Variants in RSPO2 observed in about 807,000 individuals in gnomAD.
RSPO2 encodes R-spondin 2.
A neutral mutation model predicts 30.9 loss-of-function variants in RSPO2; 14 were observed. The ratio of observed to expected loss-of-function variants is 0.45; its 90% CI spans 0.30 to 0.71. The LOEUF (loss-of-function observed/expected upper bound fraction) is 0.71. RSPO2 is among the 30% of genes least tolerant of loss of function. The pLI is 0.08. For missense variants in RSPO2, 264 were observed against 301.9 expected, an observed-to-expected ratio of 0.87 and a Z score of 0.93; for synonymous variants, 107 against 96.4, an observed-to-expected ratio of 1.11 and a Z score of -0.64.
intron 5 of RSPO2, among the ~76,000 whole-genome samples, chr8:107,954,587 CTTT>C (rs764854947): frequency 3.3e-5 from 5 of 149,882 alleles, no homozygotes; most frequent in Non-Finnish European, 7.4e-5. Flanking sequence ...CATTGTCCAT[CTTT>C]TATTTATTTA....
rs1815307135 is a variant in RSPO2, at chr8:108,003,223, G to A, written c.95-13979C>T. The stretch of plus-strand genomic sequence containing the variant: ...TGCACCATCACACCTGGCTAATTTT[G>A]TATGTGTGTGTATATATGTATGTAT... On this transcript the variant is annotated intron_variant, in intron 2 of 5. Transcript: ENST00000276659. Among the ~76,000 whole-genome samples, 3 of 122,148 alleles carry A rather than the reference G, an allele frequency of 2.5e-5. No individual in the cohort carries two copies. In the South Asian group the frequency reaches 8.3e-4, roughly 34 times the overall value. The allele number at this position is 122,148 out of a possible 152,430, so 80.1% of individuals were successfully genotyped here. A position where few individuals can be genotyped will look rare whatever the true frequency, so the allele number is the denominator to read the frequency against.
At chr8:107,937,091 A>AT (rs930838218) in intron 5 of RSPO2, among the ~76,000 whole-genome samples, 3 of 143,744 alleles carry the variant, frequency 2.1e-5, no homozygotes, top group African/African-American at 5.1e-5. Context: ...TGTTTTCCCT[A>AT]TTTTTTTACT....
chr8:107,910,159 T>C lies in RSPO2; in HGVS notation c.617-8969A>G, dbSNP rs141129455. Reference sequence around the variant, plus strand: ...CTTCATACTATAACGGAAGGTACCTTTTAAAATAATTCCATTAGAACAAGA... The same window carrying C: ...CTTCATACTATAACGGAAGGTACCTCTTAAAATAATTCCATTAGAACAAGA... On this transcript the variant is annotated intron_variant, in intron 5 of 5. Coordinates refer to ENST00000276659, the MANE Select transcript of RSPO2 (RefSeq NM_178565.5). Among the ~76,000 whole-genome samples, 1,131 of 152,310 alleles carry C rather than the reference T, an allele frequency of 7.4e-3. 11 individuals are homozygous for C. The highest frequency in any genetic ancestry group is 0.024 in the African/African-American group (1,015 of 41,562).
intron 5 of RSPO2, among the ~76,000 whole-genome samples, chr8:107,919,085 C>A (rs1050612169): frequency 6.6e-6 from 1 of 152,218 alleles, no homozygotes; most frequent in Non-Finnish European, 1.5e-5. Flanking sequence ...CCCAGCCAGG[C>A]CTGCATGGGT....
intron 2 of RSPO2, among the ~76,000 whole-genome samples, chr8:108,027,419 G>A (rs1043901543): frequency 7.2e-5 from 11 of 152,134 alleles, no homozygotes; most frequent in African/African-American, 2.4e-4. Context: ...TCCAAATGAA[G>A]TATCTATCTG....
At chr8:107,935,418 T>A (rs1812689397) in intron 5 of RSPO2, among the ~76,000 whole-genome samples, 1 of 152,096 alleles carries the variant, frequency 6.6e-6, no homozygotes, top group Admixed American at 6.6e-5. Flanking sequence ...CTGTAAAAAA[T>A]TCTTATCCTC....
At chr8:108,028,904 C>G (rs2130629121) in intron 2 of RSPO2, among the ~76,000 whole-genome samples, 1 of 152,088 alleles carries the variant, frequency 6.6e-6, no homozygotes, top group Non-Finnish European at 1.5e-5. Context: ...GCACATTGTA[C>G]AGGGCCTTGC....
At chr8:108,044,078 A>G (rs1811837262) in intron 2 of RSPO2, among the ~76,000 whole-genome samples, 1 of 151,944 alleles carries the variant, frequency 6.6e-6, no homozygotes, top group Admixed American at 6.6e-5. Flanking sequence ...TGAAAAGCTT[A>G]TTAGGTCCCA....
intron 2 of RSPO2, among the ~76,000 whole-genome samples, chr8:108,003,303 ATATATATATTTTTTTTTTTT>A (rs1243598127): frequency 0.023 from 633 of 27,100 alleles, 11 homozygotes; most frequent in African/African-American, 0.064. Flanking sequence ...ATATATATAT[ATATATATATTTTTTTTTTTT>A]TTTTTTTTTT....
intron 2 of RSPO2, among the ~76,000 whole-genome samples, chr8:108,007,070 A>G (rs938093007): frequency 2.0e-5 from 3 of 152,136 alleles, no homozygotes; most frequent in African/African-American, 4.8e-5. Context: ...TGTTGTCTAT[A>G]TTCCTATTTC....
chr8:107,998,851 C>G (rs1378119566), intron 2 of RSPO2, among the ~76,000 whole-genome samples: 2 of 152,040 alleles, frequency 1.3e-5, no homozygotes, highest in African/African-American at 4.8e-5. Context: ...TGTTCAAGAC[C>G]AGCCTGGCTA....
In RSPO2 at chr8:108,054,521, C is replaced by A. The variant is rs79765287; in HGVS notation, c.94+28024G>T. On this transcript the variant is annotated intron_variant, in intron 2 of 5. Transcript: ENST00000276659. ...GAGTCAAAACTCAGGCCCACAGCCA[C>A]CCCTAACTCCACGAGGGGTTGGGAA... Among the ~76,000 whole-genome samples the A allele has an allele frequency of 2.6e-3, 397 of 152,264 alleles. 11 individuals are homozygous for A. In the East Asian group the frequency reaches 0.058, roughly 22 times the overall value.
At position 107,900,777 on chromosome 8, in the gene RSPO2, C is replaced by T. The variant is rs998449933; in HGVS notation, c.*298G>A. 2.9e-5 allele frequency: 8 copies of T among 280,604 alleles called. No individual in the cohort carries two copies. Among genetic ancestry groups the T allele is most frequent in the South Asian group, 2.6e-4 (2 of 7,548 alleles). 17.4% of individuals were successfully genotyped at this position (280,604 alleles called of 1,614,324 possible). Reference sequence around the variant, plus strand: ...AAATAGGCACAAGTCCGTCCTCCAGCGGTGTTCTGCAGCCTCACACCTCTA... The same window carrying T: ...AAATAGGCACAAGTCCGTCCTCCAGTGGTGTTCTGCAGCCTCACACCTCTA... On this transcript the variant is annotated 3_prime_UTR_variant, in exon 6 of 6. Coordinates refer to ENST00000276659, the MANE Select transcript of RSPO2 (RefSeq NM_178565.5).
chr8:107,995,777 A>G (rs1299221575), intron 2 of RSPO2, among the ~76,000 whole-genome samples: 4 of 152,078 alleles, frequency 2.6e-5, no homozygotes, highest in Non-Finnish European at 1.5e-5. Flanking sequence ...ATCTTCTCAT[A>G]ATTCAGGCCT....
intron 5 of RSPO2, among the ~76,000 whole-genome samples, chr8:107,947,133 G>A (rs186237758): frequency 6.6e-6 from 1 of 152,304 alleles, no homozygotes; most frequent in African/African-American, 2.4e-5. Context: ...CAATGTTCCA[G>A]GACACTGCTT....
intron 2 of RSPO2, among the ~76,000 whole-genome samples, chr8:107,990,377 A>T (rs1202326737): frequency 6.6e-6 from 1 of 152,146 alleles, no homozygotes; most frequent in East Asian, 1.9e-4. Flanking sequence ...CAAAATCAAC[A>T]TGCAAAACTC....
chr8:107,910,357 G>T (rs1317943347), intron 5 of RSPO2, among the ~76,000 whole-genome samples: 1 of 152,166 alleles, frequency 6.6e-6, no homozygotes, highest in African/African-American at 2.4e-5. Flanking sequence ...AGAAAGTAAT[G>T]GTTTATACAT....
At chr8:108,064,997 A>G (rs1260075420) in intron 2 of RSPO2, among the ~76,000 whole-genome samples, 2 of 152,086 alleles carry the variant, frequency 1.3e-5, no homozygotes, top group Non-Finnish European at 2.9e-5. Flanking sequence ...CAGGATGGGG[A>G]ACATCACACA....
intron 3 of RSPO2, among the ~76,000 whole-genome samples, chr8:107,974,128 A>C (rs1345814648): frequency 6.6e-6 from 1 of 152,250 alleles, no homozygotes; most frequent in East Asian, 1.9e-4. Context: ...CGCAGGTCTA[A>C]CTGTTCCAGG....
Sources: allele counts gnomAD v4.1 joint callset (sites outside exome capture counted in the v4.1 genomes callset), GRCh38; gene constraint gnomAD v4.1.1; transcripts MANE v1.5; gene names NCBI Gene and HGNC (gene_info 2026-07-23, HGNC 2026-07-21).